The following TMOD3 variants were observed in gnomAD, a reference collection of about 807,000 sequenced individuals.
TMOD3 encodes tropomodulin 3.
Under a neutral mutation model 39.2 loss-of-function variants are expected in TMOD3, and 20 were observed. The ratio of observed to expected loss-of-function variants is 0.51; its 90% confidence interval spans 0.36 to 0.74. The LOEUF (loss-of-function observed/expected upper bound fraction) is 0.74, where lower values mean the gene tolerates loss of function less well. Ranked by LOEUF, TMOD3 falls within the 30% of genes least tolerant of loss-of-function variation. The pLI is 0.00. For synonymous variants in TMOD3, 143 were observed against 145.8 expected (o/e 0.98, Z 0.14); for missense variants, 381 against 412.8 (o/e 0.92, Z 0.67).
intron 1 of TMOD3, among the ~76,000 whole-genome samples, chr15:51,845,659 A>G (rs2056332106): frequency 6.6e-6 from 1 of 152,150 alleles, no homozygotes; most frequent in South Asian, 2.1e-4. Context: ...CAGTAAGCTG[A>G]GGTGGGAGAA....
In TMOD3 at chr15:51,902,039, A is replaced by G; in HGVS notation, c.1024+3A>G. 3 of 1,614,006 alleles carry G rather than the reference A, an allele frequency of 1.9e-6. No individual in the cohort carries two copies. Among genetic ancestry groups the G allele is most frequent in the Non-Finnish European group, 2.5e-6 (3 of 1,179,964 alleles). ...TATAACAAAAAACAATGACTTAGGT[A>G]AGACATAGTATCGATCAAGTTTCTG... On this transcript the variant is annotated splice_donor_region_variant and intron_variant, in intron 9 of 9. Transcript: ENST00000308580.
chr15:51,876,761 C>T (rs373893833), intron 3 of TMOD3, among the ~76,000 whole-genome samples: 1 of 152,148 alleles, frequency 6.6e-6, no homozygotes, highest in African/African-American at 2.4e-5. Context: ...GCACCCGGCC[C>T]CAGCGCTTTT....
intron 1 of TMOD3, among the ~76,000 whole-genome samples, chr15:51,830,801 AG>A (rs1261628805): frequency 6.6e-6 from 1 of 152,202 alleles, no homozygotes; most frequent in Admixed American, 6.5e-5. Flanking sequence ...AAAATATATT[AG>A]GCTTGGAAAA....
chr15:51,900,246 T>C lies in TMOD3; in HGVS notation c.827T>C (p.Ile276Thr), dbSNP rs772056140. 9 of 1,614,054 alleles carry C rather than the reference T, an allele frequency of 5.6e-6. No individual in the cohort carries two copies. The Admixed American group carries it at 6.7e-5, about 12-fold the overall frequency. ...ACGGGAGTTGGGATTCTGGCACTGA[T>C]TGATGCGTTAAGAGATAATGAAACC... ...FITGVGILALIDALRDNETLA... is the reference protein window; with the variant it reads ...FITGVGILALTDALRDNETLA... The change falls in exon 8 of 10, where the codon ATT becomes ACT. Residue 276 changes from isoleucine to threonine, a missense_variant. Transcript: ENST00000308580.
intron 9 of TMOD3, among the ~76,000 whole-genome samples, chr15:51,907,820 A>T (rs938029869): frequency 6.6e-6 from 1 of 152,268 alleles, no homozygotes; most frequent in East Asian, 1.9e-4. Context: ...ACTAGAGAAC[A>T]CCCCTGAGTA....
Position 51,869,228 on chromosome 15 carries a change from G to T in TMOD3, c.138G>T (p.Leu46=), listed in dbSNP as rs762688461. Residue 46 remains leucine (L), a synonymous_variant, in exon 3 of 10, where the codon CTG becomes CTT. Coordinates refer to ENST00000308580, the MANE Select transcript of TMOD3 (RefSeq NM_014547.5). ...LDDLDPENAL[L]PAGFRQKNQT... is the part of the protein sequence containing the mutation. ...ATTCTCTCTGGCAGAATGCCCTTCT[G>T]CCTGCAGGGTTCCGGCAGAAGAACC... The T allele has an allele frequency of 2.4e-5, 39 of 1,613,566 alleles. No individual in the cohort carries two copies. The South Asian group carries it at 4.1e-4, about 17-fold the overall frequency.
chr15:51,839,689 A>G lies in TMOD3; in HGVS notation c.-75+9853A>G, dbSNP rs74949632. On this transcript the variant is annotated intron_variant, in intron 1 of 9. Coordinates refer to ENST00000308580, the MANE Select transcript of TMOD3 (RefSeq NM_014547.5). The stretch of plus-strand genomic sequence containing the variant: ...AGTCTCCCAAGTAGCTGGGACTACA[A>G]TTTGTACACCACCACACCTGGCTAA... Among the ~76,000 whole-genome samples the G allele has an allele frequency of 2.7e-3, 416 of 152,220 alleles. 3 individuals carry two copies. Among genetic ancestry groups the G allele is most frequent in the African/African-American group, 9.1e-3 (377 of 41,542 alleles).
At chr15:51,859,545 T>C (rs1304450456) in intron 1 of TMOD3, 5 of 619,416 alleles carry the variant, frequency 8.1e-6, no homozygotes, top group Non-Finnish European at 1.2e-5. Flanking sequence ...CAGGTACTTA[T>C]CCTTCAGGGT....
chr15:51,835,036 A>C (rs1023041573), intron 1 of TMOD3: 1 of 152,194 alleles, frequency 6.6e-6, no homozygotes, highest in Non-Finnish European at 1.5e-5. Flanking sequence ...GTTACCATGT[A>C]TTTCCTGATG....
intron 1 of TMOD3, among the ~76,000 whole-genome samples, chr15:51,851,022 G>A (rs1266360031): frequency 1.3e-5 from 2 of 152,128 alleles, no homozygotes; most frequent in South Asian, 2.1e-4. Context: ...CACCGCACTC[G>A]GCCGGAAGAG....
Position 51,879,856 on chromosome 15 carries a change from TCACA to T in TMOD3, c.284-7703_284-7700del, listed in dbSNP as rs68117829. On this transcript the variant is annotated intron_variant, in intron 3 of 9. Coordinates refer to ENST00000308580, the MANE Select transcript of TMOD3 (RefSeq NM_014547.5). ...CAATCTCTTTCTCTCTCTCTGTCTT[TCACA>T]CACACACACACACACACACACACAC... 2.2e-3 allele frequency among the ~76,000 whole-genome samples: 311 copies of T among 142,652 alleles called. 11 individuals carry two copies. The highest frequency in any genetic ancestry group is 0.011 in the East Asian group (52 of 4,846). 93.6% of individuals were successfully genotyped at this position (142,652 alleles called of 152,430 possible). A position where few individuals can be genotyped will look rare whatever the true frequency, so the allele number is the denominator to read the frequency against.
At chr15:51,897,267 T>C (rs564287501) in intron 7 of TMOD3, among the ~76,000 whole-genome samples, 1 of 152,176 alleles carries the variant, frequency 6.6e-6, no homozygotes, top group South Asian at 2.1e-4. Flanking sequence ...TGCTGATGAC[T>C]CCCAGTGTTA....
chr15:51,903,064 G>A (rs1162121607), intron 9 of TMOD3, among the ~76,000 whole-genome samples: 2 of 152,180 alleles, frequency 1.3e-5, no homozygotes, highest in African/African-American at 4.8e-5. Context: ...GATTACAGGC[G>A]TGAGCCACCG....
At chr15:51,864,243 G>C (rs1335166714) in intron 2 of TMOD3, among the ~76,000 whole-genome samples, 1 of 143,626 alleles carries the variant, frequency 7.0e-6, no homozygotes, top group Non-Finnish European at 1.5e-5. Flanking sequence ...TCCAGCTTGG[G>C]TGACAGAGCA....
chr15:51,830,489 C>G (rs1240581328), intron 1 of TMOD3, among the ~76,000 whole-genome samples: 3 of 152,158 alleles, frequency 2.0e-5, no homozygotes, highest in African/African-American at 7.2e-5. Flanking sequence ...ATTCTGATTA[C>G]AAACAGAAAT....
At chr15:51,835,704 TA>T (rs775857066) in intron 1 of TMOD3, among the ~76,000 whole-genome samples, 6 of 152,250 alleles carry the variant, frequency 3.9e-5, no homozygotes, top group Non-Finnish European at 8.8e-5. Flanking sequence ...ACAGTTTGGT[TA>T]TTTTTTTCTT....
intron 1 of TMOD3, among the ~76,000 whole-genome samples, chr15:51,856,044 C>T (rs978965335): frequency 8.5e-5 from 13 of 152,214 alleles, no homozygotes; most frequent in Non-Finnish European, 1.8e-4. Context: ...AGACAGATCA[C>T]TTGATTCTAG....
chr15:51,837,379 T>A (rs1421866874), intron 1 of TMOD3, among the ~76,000 whole-genome samples: 10 of 151,896 alleles, frequency 6.6e-5, no homozygotes, highest in Non-Finnish European at 1.5e-5. Flanking sequence ...TTTTCATTCA[T>A]GGTGGGCTAT....
At chr15:51,839,863 G>A (rs578130912) in intron 1 of TMOD3, among the ~76,000 whole-genome samples, 1 of 152,282 alleles carries the variant, frequency 6.6e-6, no homozygotes, top group South Asian at 2.1e-4. Context: ...GAATAGGGGA[G>A]TAGAATATTG....
Sources: allele counts gnomAD v4.1 joint callset (sites outside exome capture counted in the v4.1 genomes callset), GRCh38; gene constraint gnomAD v4.1.1; transcripts MANE v1.5; gene names NCBI Gene and HGNC (gene_info 2026-07-23, HGNC 2026-07-21).